The following ADAMDEC1 variants were observed in gnomAD, a reference collection of about 807,000 sequenced individuals.
ADAMDEC1 encodes ADAM like decysin 1.
In ADAMDEC1, 62 loss-of-function variants were observed where a neutral mutation model predicts 60.4. The ratio of observed to expected loss-of-function variants is 1.03; its 90% CI spans 0.84 to 1.27. The LOEUF (loss-of-function observed/expected upper bound fraction) is 1.27. Ranked by LOEUF, ADAMDEC1 falls within the 50% of genes most tolerant of loss-of-function variation. ADAMDEC1 has a pLI of 0.00. For missense variants in ADAMDEC1, 595 were observed against 565.0 expected (o/e 1.05, Z -0.54); for synonymous variants, 210 against 195.1 (o/e 1.08, Z -0.64).
At chr8:24,400,843 G>C (rs1353315687) in intron 11 of ADAMDEC1, among the ~76,000 whole-genome samples, 1 of 135,484 alleles carries the variant, frequency 7.4e-6, no homozygotes, top group East Asian at 2.2e-4. Flanking sequence ...GTGTCCAAGT[G>C]TTCTCATTGT....
intron 1 of ADAMDEC1, chr8:24,387,890 T>C (rs1340329620): frequency 6.6e-6 from 1 of 152,544 alleles, no homozygotes; most frequent in Non-Finnish European, 1.5e-5. Context: ...AGGTATGCAC[T>C]GTAAGAGCAG....
intron 11 of ADAMDEC1, among the ~76,000 whole-genome samples, chr8:24,400,632 C>CATATATATATATATATATATAT (rs35748437): frequency 6.9e-6 from 1 of 145,820 alleles, no homozygotes; most frequent in African/African-American, 2.5e-5. Context: ...TGTTTCTTTT[C>CATATATATATATATATATATAT]ATATATATAT....
chr8:24,385,185 A>G (rs1336818189), intron 1 of ADAMDEC1, among the ~76,000 whole-genome samples: 3 of 152,184 alleles, frequency 2.0e-5, no homozygotes, highest in Non-Finnish European at 4.4e-5. Flanking sequence ...TAGTGATCAC[A>G]TAATAAGCAT....
chr8:24,405,154 C>T, intron 13 of ADAMDEC1, 138 bp from the exon 14 acceptor site: 1 of 850,366 alleles, frequency 1.2e-6, no homozygotes, highest in East Asian at 2.9e-5. Context: ...TGAAATACAG[C>T]TAATGGTATA....
chr8:24,402,613 C>T (rs956033729), intron 12 of ADAMDEC1, among the ~76,000 whole-genome samples: 2 of 152,078 alleles, frequency 1.3e-5, no homozygotes, highest in Non-Finnish European at 2.9e-5. Flanking sequence ...ATAAATTAGA[C>T]TCCTTCAAGG....
At chr8:24,399,250 C>A in intron 9 of ADAMDEC1, 143 bp from the exon 10 acceptor site, 1 of 1,020,296 alleles carries the variant, frequency 9.8e-7, no homozygotes. Context: ...GTGGTCATAA[C>A]ACTAAGGAAT....
At chr8:24,404,918 T>G (rs146137787) in intron 13 of ADAMDEC1, among the ~76,000 whole-genome samples, 1 of 152,300 alleles carries the variant, frequency 6.6e-6, no homozygotes, top group African/African-American at 2.4e-5. Flanking sequence ...CAGGGAATTC[T>G]GGAAACTGTG....
At chr8:24,392,432 TA>T (rs1585805698) in intron 2 of ADAMDEC1, 52 bp downstream of exon 2, 3 of 1,361,346 alleles carry the variant, frequency 2.2e-6, no homozygotes, top group Non-Finnish European at 3.1e-6. Flanking sequence ...AAAGAGACAA[TA>T]AAAAGCCTTT....
rs907811177 is a variant in ADAMDEC1, at chr8:24,394,103, T to C, written c.319T>C (p.Tyr107His). 5 of 1,613,504 alleles carry C rather than the reference T, an allele frequency of 3.1e-6. No homozygotes were observed. Among genetic ancestry groups the C allele is most frequent in the Non-Finnish European group, 4.2e-6 (5 of 1,179,564 alleles). The change falls in exon 4 of 14, where the codon TAC becomes CAC. Residue 107 changes from tyrosine to histidine, a missense_variant. Coordinates refer to ENST00000256412, the MANE Select transcript of ADAMDEC1 (RefSeq NM_014479.3). Reference sequence around the variant, plus strand: ...GGGGCCAGACTACACTGAAACATTGTACTCACCCAGAGGAGAGGAAATTAC... The same window carrying C: ...GGGGCCAGACTACACTGAAACATTGCACTCACCCAGAGGAGAGGAAATTAC... ...LLGPDYTETLYSPRGEEITTK... is the reference protein window; with the variant it reads ...LLGPDYTETLHSPRGEEITTK...
chr8:24,398,425 A>G (rs1817671367), intron 7 of ADAMDEC1, 55 bp from the exon 8 acceptor site: 4 of 1,007,346 alleles, frequency 4.0e-6, no homozygotes, highest in Non-Finnish European at 4.6e-6. Flanking sequence ...GTATGCCATC[A>G]GCTTTCTCAG....
At chr8:24,402,166 A>G in intron 12 of ADAMDEC1, 74 bp downstream of exon 12, 1 of 1,356,604 alleles carries the variant, frequency 7.4e-7, no homozygotes, top group Non-Finnish European at 1.0e-6. Context: ...TCTTTTGGAA[A>G]TTCTTTCTAA....
At chr8:24,388,463 GT>G (rs1817352510) in intron 1 of ADAMDEC1, among the ~76,000 whole-genome samples, 1 of 151,890 alleles carries the variant, frequency 6.6e-6, no homozygotes, top group Non-Finnish European at 1.5e-5. Flanking sequence ...ATATTCTCAT[GT>G]TTTTCCTCTC....
chr8:24,386,628 C>G (rs1817299819), intron 1 of ADAMDEC1, among the ~76,000 whole-genome samples: 1 of 152,128 alleles, frequency 6.6e-6, no homozygotes, highest in East Asian at 1.9e-4. Flanking sequence ...AGATCTTATC[C>G]CTTCTCATAC....
At chr8:24,400,328 G>T (rs902241865) in intron 11 of ADAMDEC1, 28 bp downstream of exon 11, 1 of 1,569,630 alleles carries the variant, frequency 6.4e-7, no homozygotes, top group Admixed American at 2.1e-5. Context: ...TAAAAGGAGA[G>T]AGATATTTTC....
At chr8:24,396,924 C>T (rs1335124639) in intron 5 of ADAMDEC1, among the ~76,000 whole-genome samples, 2 of 152,182 alleles carry the variant, frequency 1.3e-5, no homozygotes, top group South Asian at 4.1e-4. Flanking sequence ...TCTAAACATT[C>T]CCTTACTCCA....
At position 24,400,264 on chromosome 8, in the gene ADAMDEC1, G is replaced by A. The variant is rs914832557; in HGVS notation, c.1106G>A (p.Cys369Tyr). ...GMPDVPFNTKCPSGSCVMNQY... is the reference protein window; with the variant it reads ...GMPDVPFNTKYPSGSCVMNQY... The stretch of plus-strand genomic sequence containing the variant: ...CCTGATGTTCCATTCAACACCAAGT[G>A]TCCCTCTGGCAGTTGTGTGATGAAT... Residue 369 changes from cysteine to tyrosine, a missense_variant, in exon 11 of 14, where the codon TGT becomes TAT. Coordinates refer to ENST00000256412, the MANE Select transcript of ADAMDEC1 (RefSeq NM_014479.3). 5 of 1,611,586 alleles carry A rather than the reference G, an allele frequency of 3.1e-6. No individual in the cohort carries two copies. Among genetic ancestry groups the A allele is most frequent in the Admixed American group, 3.3e-5 (2 of 59,760 alleles).
At chr8:24,384,661 GA>G (rs980750499) in intron 1 of ADAMDEC1, 69 bp downstream of exon 1, 30 of 1,365,990 alleles carry the variant, frequency 2.2e-5, no homozygotes, top group Middle Eastern at 1.8e-4. Context: ...AGTGCCTTTT[GA>G]AAAAAAATGG....
chr8:24,393,788 AG>A (rs1276750386), intron 3 of ADAMDEC1, among the ~76,000 whole-genome samples: 1 of 152,086 alleles, frequency 6.6e-6, no homozygotes, highest in Non-Finnish European at 1.5e-5. Flanking sequence ...GGTTCTGTGG[AG>A]GTTGTGTCCT....
intron 12 of ADAMDEC1, 45 bp downstream of exon 12, chr8:24,402,137 T>C: frequency 6.8e-7 from 1 of 1,478,420 alleles, no homozygotes; most frequent in Non-Finnish European, 9.1e-7. Context: ...TATGCAGTTT[T>C]CTTTTTGTTT....
Sources: gnomAD v4.1 joint callset for allele counts (sites outside exome capture counted in the v4.1 genomes callset) on GRCh38, gnomAD v4.1.1 for gene constraint, MANE v1.5 for transcripts, NCBI Gene and HGNC (gene_info 2026-07-23, HGNC 2026-07-21) for gene names.